The following C12orf43 variants were observed in gnomAD, a reference collection of about 807,000 sequenced individuals.
C12orf43 encodes chromosome 12 open reading frame 43.
C12orf43 carries 15 observed loss-of-function variants against 20.6 expected under a neutral mutation model. That is an observed-to-expected ratio of 0.73 (90% confidence interval 0.49 to 1.12). The LOEUF is 1.12. Ranked by LOEUF, C12orf43 falls within the 50% of genes most tolerant of loss-of-function variation. The pLI is 0.00. For synonymous variants in C12orf43, 144 were observed against 130.8 expected, an observed-to-expected ratio of 1.10 and a Z score of -0.69; for missense variants, 334 against 344.4, an observed-to-expected ratio of 0.97 and a Z score of 0.24.
At chr12:121,009,945 C>T (rs967609182) in intron 3 of C12orf43, among the ~76,000 whole-genome samples, 2 of 152,136 alleles carry the variant, frequency 1.3e-5, no homozygotes, top group East Asian at 1.9e-4. Context: ...CCTCTTGTGG[C>T]GGGAATGAGC....
intron 4 of C12orf43, 91 bp downstream of exon 4, chr12:121,006,230 A>G (rs1878007394): frequency 8.4e-7 from 1 of 1,192,692 alleles, no homozygotes; most frequent in Non-Finnish European, 1.2e-6. Context: ...AAAGAAAAAA[A>G]AAAAAGAATA....
rs1325274931 is a variant in C12orf43, at chr12:121,001,386, G to A, written c.*2767C>T. 2.7e-5 allele frequency: 18 copies of A among 663,100 alleles called. No homozygotes were observed. Among genetic ancestry groups the A allele is most frequent in the South Asian group, 5.6e-5 (3 of 53,828 alleles). 41.1% of individuals were successfully genotyped at this position (663,100 alleles called of 1,614,324 possible). The stretch of plus-strand genomic sequence containing the variant: ...GCGCCCCAACCCGTGGAGGCTGCTC[G>A]GGGTGCACAGGAGGGGGTCGTGGAG... On this transcript the variant is annotated 3_prime_UTR_variant, in exon 6 of 6. Coordinates refer to ENST00000288757, the MANE Select transcript of C12orf43 (RefSeq NM_022895.3).
At chr12:121,012,634 C>T (rs528543346) in intron 1 of C12orf43, 11 of 559,884 alleles carry the variant, frequency 2.0e-5, no homozygotes, top group East Asian at 3.3e-5. Context: ...AGGCGGATCA[C>T]GAGGTCAAGA....
At chr12:121,010,759 C>G in intron 3 of C12orf43, 69 bp downstream of exon 3, 1 of 1,287,616 alleles carries the variant, frequency 7.8e-7, no homozygotes, top group Non-Finnish European at 1.0e-6. Flanking sequence ...CCGTGAGCTC[C>G]CAGCCAATGT....
At chr12:121,015,255 C>A (rs955199362) in intron 1 of C12orf43, among the ~76,000 whole-genome samples, 2 of 152,012 alleles carry the variant, frequency 1.3e-5, no homozygotes, top group African/African-American at 2.4e-5. Flanking sequence ...GGTTATGGTA[C>A]TAGGGGGTGA....
chr12:121,016,207 C>G, intron 1 of C12orf43, 123 bp downstream of exon 1: 1 of 1,442,632 alleles, frequency 6.9e-7, no homozygotes, highest in Admixed American at 1.7e-5. Flanking sequence ...TACACCCAGT[C>G]CCTGGAGGTC....
rs1878438008 is a variant in C12orf43, at chr12:121,011,267, G to C, written c.146-121C>G. 15 of 639,008 alleles carry C rather than the reference G, an allele frequency of 2.3e-5. No individual in the cohort carries two copies. In the South Asian group the frequency reaches 3.2e-4, roughly 14 times the overall value. The allele number at this position is 639,008 out of a possible 1,614,324, so 39.6% of individuals were successfully genotyped here. ...ATAACTCATATATATACATACACAT[G>C]TAACTCATATATATTATATTTATAT... On this transcript the variant is annotated intron_variant, in intron 1 of 5. Coordinates refer to ENST00000288757, the MANE Select transcript of C12orf43 (RefSeq NM_022895.3).
At position 121,005,152 on chromosome 12, in the gene C12orf43, AAAAT is replaced by A. The variant is rs1408047171; in HGVS notation, c.362-63_362-60del. 1 of 895,552 alleles carries A rather than the reference AAAAT, an allele frequency of 1.1e-6. No homozygotes were observed. Among genetic ancestry groups the A allele is most frequent in the East Asian group, 3.3e-5 (1 of 30,030 alleles). The allele number at this position is 895,552 out of a possible 1,614,324, so 55.5% of individuals were successfully genotyped here. On this transcript the variant is annotated intron_variant, in intron 4 of 5. Coordinates refer to ENST00000288757, the MANE Select transcript of C12orf43 (RefSeq NM_022895.3). The surrounding 1 kb of genome is among the most constrained non-coding windows in gnomAD (Gnocchi z 5.6). Reference sequence around the variant, plus strand: ...AAAACAAAACAAAAAGAAACATAAAAAAATAAAAAATAAAGAAACAAAAAAGAAA... The same window carrying A: ...AAAACAAAACAAAAAGAAACATAAAAAAAAAATAAAGAAACAAAAAAGAAA...
At chr12:121,012,383 G>A (rs561315063) in intron 1 of C12orf43, 1 of 702,286 alleles carries the variant, frequency 1.4e-6, no homozygotes, top group South Asian at 1.5e-5. Flanking sequence ...CCTGGACTTT[G>A]AGGAGGAGGA....
At chr12:121,008,140 C>CTT in intron 3 of C12orf43, among the ~76,000 whole-genome samples, 1 of 145,836 alleles carries the variant, frequency 6.9e-6, no homozygotes, top group East Asian at 2.0e-4. Context: ...TTTACATTTC[C>CTT]TTTTTTTTTT....
chr12:121,006,534 T>C (rs1350162670), intron 3 of C12orf43, 140 bp from the exon 4 acceptor site: 1 of 757,432 alleles, frequency 1.3e-6, no homozygotes, highest in African/African-American at 1.7e-5. Flanking sequence ...AGAGGGCTGA[T>C]GGTCTGGTTA....
intron 1 of C12orf43, 129 bp from the exon 2 acceptor site, chr12:121,011,275 T>C (rs978378944): frequency 1.1e-4 from 54 of 498,892 alleles, no homozygotes; most frequent in African/African-American, 9.0e-4. Context: ...ATGTAACTCA[T>C]ATATATTATA....
Position 121,005,697 on chromosome 12 carries a change from C to T in C12orf43, c.362-604G>A, listed in dbSNP as rs939426908. Among the ~76,000 whole-genome samples, 4 of 152,194 alleles carry T rather than the reference C, an allele frequency of 2.6e-5. No homozygotes were observed. The highest frequency in any genetic ancestry group is 7.2e-5 in the African/African-American group (3 of 41,448). On this transcript the variant is annotated intron_variant, in intron 4 of 5. Coordinates refer to ENST00000288757, the MANE Select transcript of C12orf43 (RefSeq NM_022895.3). The surrounding 1 kb of genome is among the most constrained non-coding windows in gnomAD (Gnocchi z 5.6). ...CTGCTCAGGGTGACACAGACGAGGC[C>T]GCCTCAGGCAAATGACTTCGTTTCT...
chr12:121,016,081 G>A (rs1432349177), intron 1 of C12orf43, among the ~76,000 whole-genome samples: 1 of 152,226 alleles, frequency 6.6e-6, no homozygotes, highest in African/African-American at 2.4e-5. Flanking sequence ...CCAGTGTGGG[G>A]CAGTGAGGAT....
Position 121,004,286 on chromosome 12 carries a change from T to C in C12orf43, c.656A>G (p.Gln219Arg). 1 of 1,614,238 alleles carries C rather than the reference T, an allele frequency of 6.2e-7. No individual in the cohort carries two copies. Among genetic ancestry groups the C allele is most frequent in the East Asian group, 2.2e-5 (1 of 44,886 alleles). The stretch of plus-strand genomic sequence containing the variant: ...GTTGAGCTCACCTGACTTCTGCTTC[T>C]GGACTGTGGCCATGCTGGTGGGGGT... ...ATTPTSMATV[Q>R]KQKSGELNGD... The change falls in exon 6 of 6, where the codon CAG becomes CGG. Residue 219 changes from glutamine (Q) to arginine (R), a missense_variant. Coordinates refer to ENST00000288757, the MANE Select transcript of C12orf43 (RefSeq NM_022895.3). This position sits in a 1 kb window ranked among gnomAD's most constrained non-coding sequence, Gnocchi z 5.6.
At chr12:121,008,145 T>A (rs1339715362) in intron 3 of C12orf43, among the ~76,000 whole-genome samples, 1 of 152,058 alleles carries the variant, frequency 6.6e-6, no homozygotes, top group Non-Finnish European at 1.5e-5. Context: ...ATTTCCTTTT[T>A]TTTTTTTGAG....
intron 3 of C12orf43, among the ~76,000 whole-genome samples, chr12:121,010,227 C>T (rs1477189549): frequency 6.6e-6 from 1 of 152,198 alleles, no homozygotes; most frequent in African/African-American, 2.4e-5. Context: ...CGCTTGAATC[C>T]AGGAGGTGGA....
At position 121,001,596 on chromosome 12, in the gene C12orf43, T is replaced by G; in HGVS notation, c.*2557A>C. On this transcript the variant is annotated 3_prime_UTR_variant, in exon 6 of 6. Coordinates refer to ENST00000288757, the MANE Select transcript of C12orf43 (RefSeq NM_022895.3). ...CCACACTTCTCAGGACACAGGCCTG[T>G]GTAGCTGTGACCTGCTGAGCTCTGA... 2.3e-6 allele frequency: 1 copy of G among 441,030 alleles called. No homozygotes were observed. Among genetic ancestry groups the G allele is most frequent in the Non-Finnish European group, 4.3e-6 (1 of 231,408 alleles). The allele number at this position is 441,030 out of a possible 1,614,324, so 27.3% of individuals were successfully genotyped here.
chr12:121,003,484 CAGAG>C lies in C12orf43; in HGVS notation c.*665_*668del, dbSNP rs1246902978. 6.6e-6 allele frequency: 1 copy of C among 152,316 alleles called. No homozygotes were observed. The highest frequency in any genetic ancestry group is 2.4e-5 in the African/African-American group (1 of 41,430). The allele number at this position is 152,316 out of a possible 1,614,324, so 9.4% of individuals were successfully genotyped here. A position where few individuals can be genotyped will look rare whatever the true frequency, so the allele number is the denominator to read the frequency against. ...AAAATGTCTTAAGGTTCAGCATTGA[CAGAG>C]AGGCAATATCCAAATCACTCTAAGT... On this transcript the variant is annotated 3_prime_UTR_variant, in exon 6 of 6. Coordinates refer to ENST00000288757, the MANE Select transcript of C12orf43 (RefSeq NM_022895.3).
Sources: allele counts gnomAD v4.1 joint callset (sites outside exome capture counted in the v4.1 genomes callset), GRCh38; gene constraint gnomAD v4.1.1; non-coding constraint Gnocchi (gnomAD v3.1); transcripts MANE v1.5; gene names NCBI Gene and HGNC (gene_info 2026-07-23, HGNC 2026-07-21).